The following BRINP3 variants were observed in gnomAD, a reference collection of about 807,000 sequenced individuals.
BRINP3 encodes BMP/retinoic acid-inducible neural-specific protein 3.
A neutral mutation model predicts 71.0 loss-of-function variants in BRINP3; 19 were observed. The observed-to-expected ratio is 0.27, with a 90% CI of 0.19 to 0.39. The LOEUF is 0.39. Among genes scored for constraint, BRINP3 ranks in the 10% least tolerant of loss-of-function variants. The pLI is 1.00. For missense variants in BRINP3, 959 were observed against 940.8 expected, an observed-to-expected ratio of 1.02 and a Z score of -0.25; for synonymous variants, 380 against 337.7, an observed-to-expected ratio of 1.13 and a Z score of -1.37.
chr1:190,378,903 T>C (rs1203854920), intron 2 of BRINP3, among the ~76,000 whole-genome samples: 2 of 152,168 alleles, frequency 1.3e-5, no homozygotes, highest in African/African-American at 4.8e-5. Flanking sequence ...TAGGACTTGC[T>C]TGGCAAGGGG....
intron 2 of BRINP3, among the ~76,000 whole-genome samples, chr1:190,350,603 C>T (rs1234699337): frequency 6.6e-6 from 1 of 152,068 alleles, no homozygotes; most frequent in Non-Finnish European, 1.5e-5. Context: ...GTTTTTCAAA[C>T]CACTGTGAAA....
chr1:190,298,459 T>C (rs1664420228), intron 2 of BRINP3, among the ~76,000 whole-genome samples: 1 of 152,084 alleles, frequency 6.6e-6, no homozygotes. Flanking sequence ...CATGAAAGTT[T>C]TTTGTGCTAT....
intron 2 of BRINP3, among the ~76,000 whole-genome samples, chr1:190,328,012 A>G (rs1666724681): frequency 6.6e-6 from 1 of 152,154 alleles, no homozygotes; most frequent in Non-Finnish European, 1.5e-5. Context: ...ACACAATTAC[A>G]TGGAAATTAA....
At chr1:190,399,664 C>T (rs996251092) in intron 2 of BRINP3, among the ~76,000 whole-genome samples, 30 of 151,964 alleles carry the variant, frequency 2.0e-4, no homozygotes, top group African/African-American at 7.0e-4. Flanking sequence ...CTGAAACTAG[C>T]ATACAGACTA....
intron 6 of BRINP3, among the ~76,000 whole-genome samples, chr1:190,200,900 CTCTT>C (rs1221172698): frequency 6.6e-6 from 1 of 152,102 alleles, no homozygotes; most frequent in East Asian, 1.9e-4. Context: ...AATTAAAAGC[CTCTT>C]TCTTTTGTAA....
chr1:190,396,350 A>G (rs1053000047), intron 2 of BRINP3, among the ~76,000 whole-genome samples: 2 of 151,974 alleles, frequency 1.3e-5, no homozygotes, highest in South Asian at 4.1e-4. Flanking sequence ...ATGTATACAA[A>G]GAAAGCAAAA....
intron 7 of BRINP3, among the ~76,000 whole-genome samples, chr1:190,118,968 T>C (rs1203971529): frequency 6.6e-6 from 1 of 152,184 alleles, no homozygotes; most frequent in Non-Finnish European, 1.5e-5. Flanking sequence ...ATGTTCTTCC[T>C]GGTTTGCTCA....
At chr1:190,142,572 G>T (rs1457865067) in intron 7 of BRINP3, among the ~76,000 whole-genome samples, 1 of 151,922 alleles carries the variant, frequency 6.6e-6, no homozygotes, top group Non-Finnish European at 1.5e-5. Context: ...GTTTATCTTG[G>T]ATACTAATTT....
chr1:190,216,012 T>G (rs999645351), intron 6 of BRINP3, among the ~76,000 whole-genome samples: 2 of 151,158 alleles, frequency 1.3e-5, no homozygotes, highest in African/African-American at 4.9e-5. Flanking sequence ...AGTTTTTTAT[T>G]TATCCAAAAA....
intron 2 of BRINP3, among the ~76,000 whole-genome samples, chr1:190,329,334 T>G (rs1666812559): frequency 6.6e-6 from 1 of 151,958 alleles, no homozygotes; most frequent in African/African-American, 2.4e-5. Flanking sequence ...CAGTAAAGCT[T>G]TAGGATATAA....
At chr1:190,259,778 C>T (rs940648852) in intron 4 of BRINP3, among the ~76,000 whole-genome samples, 5 of 151,762 alleles carry the variant, frequency 3.3e-5, no homozygotes, top group African/African-American at 1.2e-4. Context: ...ACCTGCAATC[C>T]CAGCACTTTA....
intron 2 of BRINP3, among the ~76,000 whole-genome samples, chr1:190,348,911 C>A (rs542127097): frequency 1.3e-5 from 2 of 152,084 alleles, no homozygotes; most frequent in Non-Finnish European, 2.9e-5. Context: ...TATAACACAA[C>A]GCAACTTGTT....
intron 2 of BRINP3, among the ~76,000 whole-genome samples, chr1:190,341,835 G>T (rs909065565): frequency 6.6e-6 from 1 of 151,826 alleles, no homozygotes; most frequent in Admixed American, 6.6e-5. Context: ...TGTTTCTGCA[G>T]TGTATTTGTT....
chr1:190,111,199 A>AAAAAC (rs1652657089), intron 7 of BRINP3, among the ~76,000 whole-genome samples: 1 of 149,378 alleles, frequency 6.7e-6, no homozygotes, highest in Admixed American at 6.6e-5. Context: ...AAAAAAAAAA[A>AAAAAC]AAAAAAAAAC....
chr1:190,326,430 AG>A (rs1433565777), intron 2 of BRINP3, among the ~76,000 whole-genome samples: 3 of 152,120 alleles, frequency 2.0e-5, no homozygotes, highest in Non-Finnish European at 2.9e-5. Context: ...AGAGGTAGAC[AG>A]TCAGATAGAG....
At chr1:190,329,730 C>T (rs969917268) in intron 2 of BRINP3, among the ~76,000 whole-genome samples, 35 of 151,958 alleles carry the variant, frequency 2.3e-4, no homozygotes, top group Admixed American at 2.2e-3. Flanking sequence ...AGCGGCATCA[C>T]GTTGCCAAAC....
intron 2 of BRINP3, among the ~76,000 whole-genome samples, chr1:190,437,025 T>TC (rs1439036192): frequency 6.6e-6 from 1 of 151,708 alleles, no homozygotes; most frequent in Non-Finnish European, 1.5e-5. Context: ...AGGCAAATAT[T>TC]CACCTGAGTA....
chr1:190,310,216 A>T (rs975836177), intron 2 of BRINP3, among the ~76,000 whole-genome samples: 5 of 151,622 alleles, frequency 3.3e-5, no homozygotes, highest in African/African-American at 1.2e-4. Context: ...TATGTATTGA[A>T]TGCAAAACAT....
chr1:190,389,635 A>G (rs2102297190), intron 2 of BRINP3, among the ~76,000 whole-genome samples: 1 of 151,882 alleles, frequency 6.6e-6, no homozygotes, highest in South Asian at 2.1e-4. Context: ...GTGATATTGG[A>G]AAATCAAATG....
Sources: gnomAD v4.1 joint callset for allele counts (sites outside exome capture counted in the v4.1 genomes callset) on GRCh38, gnomAD v4.1.1 for gene constraint, MANE v1.5 for transcripts, NCBI Gene and HGNC (gene_info 2026-07-23, HGNC 2026-07-21) for gene names.